The following SERGEF variants were observed in gnomAD, a reference collection of about 807,000 sequenced individuals.
SERGEF encodes secretion-regulating guanine nucleotide exchange factor.
SERGEF carries 51 observed loss-of-function variants against 50.0 expected under a neutral mutation model. That is an observed-to-expected ratio of 1.02 (90% CI 0.81 to 1.29). The LOEUF (loss-of-function observed/expected upper bound fraction) is 1.29. Among genes scored for constraint, SERGEF ranks in the 50% most tolerant of loss-of-function variants. The probability of loss-of-function intolerance (pLI) is 0.00; values close to 1 mark genes in which losing one functional copy is unlikely to be tolerated. For missense variants in SERGEF, 521 were observed against 557.0 expected (o/e 0.94, Z 0.65); for synonymous variants, 205 against 212.4 (o/e 0.97, Z 0.30).
In SERGEF at chr11:17,948,982, C is replaced by T. The variant is rs182367229; in HGVS notation, c.1011+10488G>A. 2.3e-3 allele frequency among the ~76,000 whole-genome samples: 357 copies of T among 152,250 alleles called. 1 individual carries two copies. The highest frequency in any genetic ancestry group is 8.2e-3 in the African/African-American group (342 of 41,550). On this transcript the variant is annotated intron_variant, in intron 9 of 10. Transcript: ENST00000265965. ...AGGTGGTGGCCACCACTGGCAGTGT[C>T]CCCACAGACAGAACCACTATATCAC...
At chr11:17,926,733 C>A (rs1852258622) in intron 9 of SERGEF, 1 of 456,184 alleles carries the variant, frequency 2.2e-6, no homozygotes, top group Non-Finnish European at 4.4e-6. Context: ...AGACCAGAGT[C>A]CTACCTTGCT....
At chr11:17,854,606 A>T (rs1178253096) in intron 10 of SERGEF, among the ~76,000 whole-genome samples, 1 of 152,112 alleles carries the variant, frequency 6.6e-6, no homozygotes, top group Non-Finnish European at 1.5e-5. Context: ...CCTTCCTGAC[A>T]GTTTGCCCTG....
intron 9 of SERGEF, among the ~76,000 whole-genome samples, chr11:17,957,320 C>A (rs1362757368): frequency 6.6e-6 from 1 of 152,150 alleles, no homozygotes; most frequent in Non-Finnish European, 1.5e-5. Flanking sequence ...TTTCTGAGTG[C>A]CTACTAAGTC....
At chr11:17,794,942 C>G (rs1293645621) in intron 10 of SERGEF, among the ~76,000 whole-genome samples, 1 of 152,202 alleles carries the variant, frequency 6.6e-6, no homozygotes, top group Non-Finnish European at 1.5e-5. Flanking sequence ...CTCCCTGAGC[C>G]CTGTGAGCGC....
intron 1 of SERGEF, chr11:18,012,614 C>A: frequency 8.5e-7 from 1 of 1,174,126 alleles, no homozygotes. Flanking sequence ...TCCTCTCCAC[C>A]GAGCCCTCCG....
chr11:18,006,453 A>G, intron 3 of SERGEF, 138 bp downstream of exon 3: 3 of 859,064 alleles, frequency 3.5e-6, no homozygotes, highest in Non-Finnish European at 5.3e-6. Context: ...TGGAATTACA[A>G]TTGTGAGCCA....
At chr11:17,933,009 T>C (rs895741338) in intron 9 of SERGEF, among the ~76,000 whole-genome samples, 1 of 152,204 alleles carries the variant, frequency 6.6e-6, no homozygotes, top group Admixed American at 6.5e-5. Flanking sequence ...TTTTAAAATA[T>C]CTGTTTTCCT....
chr11:17,876,099 G>A (rs1023530407), intron 10 of SERGEF, among the ~76,000 whole-genome samples: 12 of 152,286 alleles, frequency 7.9e-5, no homozygotes, highest in African/African-American at 2.9e-4. Context: ...CCTGCACCCT[G>A]CAGGGCACCC....
At chr11:18,006,124 T>C (rs1407897859) in intron 3 of SERGEF, among the ~76,000 whole-genome samples, 1 of 152,254 alleles carries the variant, frequency 6.6e-6, no homozygotes, top group Non-Finnish European at 1.5e-5. Flanking sequence ...CAACTTTCCT[T>C]GACAACCAGA....
chr11:17,952,721 C>T (rs117234202), intron 9 of SERGEF, among the ~76,000 whole-genome samples: 5 of 152,198 alleles, frequency 3.3e-5, no homozygotes, highest in Non-Finnish European at 7.3e-5. Flanking sequence ...TTTCTCATCA[C>T]CCGCTCACTC....
chr11:17,983,391 A>T (rs1450425811), intron 8 of SERGEF, among the ~76,000 whole-genome samples: 1 of 152,214 alleles, frequency 6.6e-6, no homozygotes, highest in Non-Finnish European at 1.5e-5. Flanking sequence ...AGCCCCACAG[A>T]GATATAAAGA....
At chr11:17,951,036 G>C (rs1257864421) in intron 9 of SERGEF, among the ~76,000 whole-genome samples, 2 of 152,162 alleles carry the variant, frequency 1.3e-5, no homozygotes, top group Non-Finnish European at 2.9e-5. Flanking sequence ...TGATGCTGCA[G>C]GGAGATTGGC....
chr11:17,975,181 A>G (rs1411518193), intron 8 of SERGEF, among the ~76,000 whole-genome samples: 1 of 152,236 alleles, frequency 6.6e-6, no homozygotes. Flanking sequence ...TGAGCGAAGC[A>G]AGGCTAAGTA....
chr11:17,797,584 C>A (rs1323165910), intron 10 of SERGEF, among the ~76,000 whole-genome samples: 2 of 150,696 alleles, frequency 1.3e-5, no homozygotes, highest in African/African-American at 2.5e-5. Flanking sequence ...TTTTTTTTTA[C>A]AGTTTATTTA....
At chr11:17,914,419 A>ATTTAT (rs138253442) in intron 9 of SERGEF, among the ~76,000 whole-genome samples, 49,367 of 151,144 alleles carry the variant, frequency 0.33, 8,969 homozygotes, top group East Asian at 0.49. Flanking sequence ...TATTTTTTTA[A>ATTTAT]TTTATTTTAT....
chr11:17,924,811 C>G (rs1852220079), intron 9 of SERGEF, among the ~76,000 whole-genome samples: 1 of 152,092 alleles, frequency 6.6e-6, no homozygotes, highest in South Asian at 2.1e-4. Context: ...AAGTGTAGGT[C>G]TATGAGTTGT....
At chr11:17,861,984 C>T (rs548845034) in intron 10 of SERGEF, among the ~76,000 whole-genome samples, 16 of 152,314 alleles carry the variant, frequency 1.1e-4, no homozygotes, top group African/African-American at 3.4e-4. Flanking sequence ...AGTCATTTCT[C>T]TGCTTTAAAA....
chr11:18,004,626 G>T, intron 3 of SERGEF, 91 bp from the exon 4 acceptor site: 1 of 869,290 alleles, frequency 1.2e-6, no homozygotes, highest in South Asian at 1.5e-5. Context: ...ATGCAAAGGG[G>T]ATGAGGGGAA....
chr11:17,929,338 T>C (rs952625920), intron 9 of SERGEF, among the ~76,000 whole-genome samples: 17 of 152,174 alleles, frequency 1.1e-4, no homozygotes, highest in Admixed American at 3.3e-4. Context: ...AGGCAGCCAC[T>C]AAGAGGATAA....
Sources: allele counts gnomAD v4.1 joint callset (sites outside exome capture counted in the v4.1 genomes callset), GRCh38; gene constraint gnomAD v4.1.1; transcripts MANE v1.5; gene names NCBI Gene and HGNC (gene_info 2026-07-23, HGNC 2026-07-21).